Variants in EIF3L observed in about 807,000 individuals in gnomAD.
EIF3L encodes the protein eukaryotic translation initiation factor 3 subunit L.
In EIF3L, 32 loss-of-function variants were observed where a neutral mutation model predicts 74.6. The ratio of observed to expected loss-of-function variants is 0.43; its 90% CI spans 0.32 to 0.58. The LOEUF is 0.58. Among genes scored for constraint, EIF3L ranks in the 20% least tolerant of loss-of-function variants. The pLI is 0.06. For synonymous variants in EIF3L, 256 were observed against 254.4 expected (o/e 1.01, Z -0.06); for missense variants, 474 against 707.8 (o/e 0.67, Z 3.75).
rs149214784 is a variant in EIF3L, at chr22:37,867,931, G to A, written c.580-2245G>A. Among the ~76,000 whole-genome samples, 368 of 145,488 alleles carry A rather than the reference G, an allele frequency of 2.5e-3. 1 individual carries two copies. Among genetic ancestry groups the A allele is most frequent in the African/African-American group, 5.5e-3 (214 of 39,204 alleles). On this transcript the variant is annotated intron_variant, in intron 7 of 12. Transcript: ENST00000652021. ...GATTGCACCACTGCACTCCAGCCTC[G>A]GAGACAGAGCGAGACTCCATCTCAA...
At chr22:37,849,622 C>A (rs1925049911) in intron 1 of EIF3L, 140 bp downstream of exon 1, 3 of 950,726 alleles carry the variant, frequency 3.2e-6, no homozygotes, top group Non-Finnish European at 4.8e-6. Flanking sequence ...GCTGCTCCCA[C>A]AGTTCCCGGT....
chr22:37,856,840 G>A (rs1452130538), intron 4 of EIF3L, among the ~76,000 whole-genome samples: 2 of 144,856 alleles, frequency 1.4e-5, no homozygotes, highest in Non-Finnish European at 1.5e-5. Context: ...GCGAAACTCC[G>A]CCTCAAAAAA....
At chr22:37,875,102 C>T (rs1162038761) in intron 9 of EIF3L, among the ~76,000 whole-genome samples, 6 of 151,360 alleles carry the variant, frequency 4.0e-5, no homozygotes, top group African/African-American at 1.5e-4. Flanking sequence ...GACGCAGTGG[C>T]TCACACCTGT....
chr22:37,888,368 T>C (rs1027036526), intron 12 of EIF3L, 58 bp from the exon 13 acceptor site: 2 of 1,588,204 alleles, frequency 1.3e-6, no homozygotes, highest in Non-Finnish European at 1.7e-6. Flanking sequence ...TCATACACAC[T>C]GTAGGAAAGG....
At chr22:37,872,622 ATTTT>A (rs900329493) in intron 8 of EIF3L, among the ~76,000 whole-genome samples, 15 of 151,968 alleles carry the variant, frequency 9.9e-5, no homozygotes, top group African/African-American at 3.4e-4. Flanking sequence ...AATAGCTTGA[ATTTT>A]TATTTATTTT....
intron 5 of EIF3L, 99 bp downstream of exon 5, chr22:37,858,839 G>A: frequency 9.2e-7 from 1 of 1,081,264 alleles, no homozygotes; most frequent in Non-Finnish European, 1.3e-6. Flanking sequence ...TATTGGTTCA[G>A]TGTCTGGGCA....
At chr22:37,871,639 G>C (rs764506851) in intron 8 of EIF3L, among the ~76,000 whole-genome samples, 1 of 151,962 alleles carries the variant, frequency 6.6e-6, no homozygotes, top group Admixed American at 6.6e-5. Context: ...AGGCTGAGGC[G>C]GGCAGATCAC....
chr22:37,857,918 C>G (rs1178059473), intron 4 of EIF3L, among the ~76,000 whole-genome samples: 1 of 152,060 alleles, frequency 6.6e-6, no homozygotes, highest in Non-Finnish European at 1.5e-5. Flanking sequence ...GGCTGTAATT[C>G]TGGTACTTTG....
At chr22:37,856,493 C>T (rs1046267082) in intron 4 of EIF3L, among the ~76,000 whole-genome samples, 2 of 152,218 alleles carry the variant, frequency 1.3e-5, no homozygotes, top group Non-Finnish European at 2.9e-5. Flanking sequence ...TACAGGCATG[C>T]ACCACTGTGC....
At chr22:37,886,613 G>A (rs568145941) in intron 11 of EIF3L, 152 bp from the exon 12 acceptor site, 2 of 522,162 alleles carry the variant, frequency 3.8e-6, no homozygotes, top group Non-Finnish European at 6.9e-6. Context: ...GTGAGTTACT[G>A]TTAACTGGTG....
At chr22:37,873,491 G>T (rs1253372278) in intron 8 of EIF3L, among the ~76,000 whole-genome samples, 1 of 151,704 alleles carries the variant, frequency 6.6e-6, no homozygotes, top group Admixed American at 6.6e-5. Context: ...TAGAGACGGG[G>T]TTTCACCTAG....
intron 7 of EIF3L, among the ~76,000 whole-genome samples, chr22:37,866,799 A>C (rs1395707881): frequency 6.6e-6 from 1 of 152,152 alleles, no homozygotes; most frequent in Non-Finnish European, 1.5e-5. Flanking sequence ...AAAAACAAAA[A>C]ACAAAAAACA....
intron 11 of EIF3L, chr22:37,879,776 A>C (rs1049744576): frequency 6.7e-6 from 1 of 149,686 alleles, no homozygotes. Flanking sequence ...CATAACCCTC[A>C]TTGGCCATAC....
Position 37,878,168 on chromosome 22 carries a change from TA to T in EIF3L, c.1574del (p.Lys525ArgfsTer3). ...CCTCAGAGGTTGACTTCTACATTGA[TA>T]AGGTATGCCTGTCCCCTGGGCTTGG... ...SASEVDFYID[K>X]DMIHIADTKV... is the part of the protein sequence containing the mutation. On this transcript the variant is annotated frameshift_variant and splice_region_variant, in exon 11 of 13. Transcript: ENST00000652021. LOFTEE classifies it high-confidence loss of function. The T allele has an allele frequency of 6.2e-7, 1 of 1,604,872 alleles. No homozygotes were observed. Among genetic ancestry groups the T allele is most frequent in the South Asian group, 1.1e-5 (1 of 90,160 alleles).
At chr22:37,876,275 G>A (rs976732752) in intron 10 of EIF3L, 15 of 356,796 alleles carry the variant, frequency 4.2e-5, no homozygotes, top group Admixed American at 2.8e-4. Flanking sequence ...GCTTAAAGGC[G>A]CACACAACAA....
chr22:37,876,247 A>T (rs1181948063), intron 10 of EIF3L: 1 of 411,592 alleles, frequency 2.4e-6, no homozygotes, highest in African/African-American at 2.1e-5. Context: ...ATCCTACCTT[A>T]GTCTTCCGAA....
At chr22:37,868,634 CTTTTTTTTTTTTT>C (rs71195065) in intron 7 of EIF3L, among the ~76,000 whole-genome samples, 7 of 25,132 alleles carry the variant, frequency 2.8e-4, no homozygotes, top group Non-Finnish European at 4.7e-4. Flanking sequence ...TGTTTTGGTG[CTTTTTTTTTTTTT>C]TTTTTTTTTT....
At chr22:37,876,128 C>G (rs1926735842) in intron 10 of EIF3L, 117 bp downstream of exon 10, 6 of 1,128,718 alleles carry the variant, frequency 5.3e-6, no homozygotes, top group Non-Finnish European at 6.3e-6. Context: ...GCCAGGAGTT[C>G]AAGACTGTAG....
intron 3 of EIF3L, among the ~76,000 whole-genome samples, chr22:37,853,820 TTA>T (rs1396784677): frequency 6.6e-6 from 1 of 152,188 alleles, no homozygotes; most frequent in Non-Finnish European, 1.5e-5. Context: ...TGTTTAGATT[TTA>T]TAGAGTTTAT....
Sources: gnomAD v4.1 joint callset for allele counts (sites outside exome capture counted in the v4.1 genomes callset) on GRCh38, gnomAD v4.1.1 for gene constraint, MANE v1.5 for transcripts, NCBI Gene and HGNC (gene_info 2026-07-23, HGNC 2026-07-21) for gene names.